Variants in CLCN3 observed in about 807,000 individuals in gnomAD.
CLCN3 encodes the protein Cl-/H+ antiporter 3.
A neutral mutation model predicts 83.4 loss-of-function variants in CLCN3; 16 were observed. The observed-to-expected ratio is 0.19, with a 90% confidence interval of 0.13 to 0.29. CLCN3 has a LOEUF of 0.29. Ranked by LOEUF, CLCN3 falls within the 10% of genes least tolerant of loss-of-function variation. The probability of loss-of-function intolerance (pLI) is 1.00; values close to 1 mark genes in which losing one functional copy is unlikely to be tolerated. For missense variants in CLCN3, 544 were observed against 1,006.0 expected (o/e 0.54, Z 6.21); for synonymous variants, 322 against 346.2 (o/e 0.93, Z 0.78).
chr4:169,677,101 T>A (rs1483413349), intron 2 of CLCN3, among the ~76,000 whole-genome samples: 1 of 152,110 alleles, frequency 6.6e-6, no homozygotes, highest in East Asian at 1.9e-4. Flanking sequence ...ACCTTGGAAC[T>A]TCAGTATTTG....
At chr4:169,637,633 C>G (rs570091920) in intron 2 of CLCN3, among the ~76,000 whole-genome samples, 14 of 152,118 alleles carry the variant, frequency 9.2e-5, no homozygotes, top group Admixed American at 3.9e-4. Flanking sequence ...TTCCTTTATT[C>G]TTAGTGTTTT....
At chr4:169,641,768 A>G (rs1730419635) in intron 2 of CLCN3, among the ~76,000 whole-genome samples, 2 of 152,216 alleles carry the variant, frequency 1.3e-5, no homozygotes, top group South Asian at 4.1e-4. Flanking sequence ...ACACAAATAC[A>G]GGGTCCAGCC....
chr4:169,719,301 C>T (rs1269085699), intron 12 of CLCN3, among the ~76,000 whole-genome samples: 1 of 152,052 alleles, frequency 6.6e-6, no homozygotes, highest in African/African-American at 2.4e-5. Flanking sequence ...CCTGTCTCTA[C>T]TGAAAATAAT....
chr4:169,681,805 A>G (rs574587598), intron 3 of CLCN3, among the ~76,000 whole-genome samples: 6 of 152,342 alleles, frequency 3.9e-5, no homozygotes, highest in Non-Finnish European at 8.8e-5. Flanking sequence ...AATTAGTGAG[A>G]GAATGACATT....
At chr4:169,633,587 T>G (rs976780854) in intron 1 of CLCN3, among the ~76,000 whole-genome samples, 15 of 152,346 alleles carry the variant, frequency 9.8e-5, no homozygotes, top group African/African-American at 3.6e-4. Flanking sequence ...TATAGAAATT[T>G]GAATATTTTA....
chr4:169,622,649 C>T (rs1181622356), intron 1 of CLCN3, among the ~76,000 whole-genome samples: 4 of 152,198 alleles, frequency 2.6e-5, no homozygotes, highest in Non-Finnish European at 5.9e-5. Context: ...ACTAACCCCA[C>T]GAAGTAGGTA....
chr4:169,658,615 AGT>A (rs1730955748), intron 2 of CLCN3, among the ~76,000 whole-genome samples: 1 of 152,144 alleles, frequency 6.6e-6, no homozygotes, highest in Non-Finnish European at 1.5e-5. Context: ...AATTTAGTAC[AGT>A]TAGCCTTTGT....
At chr4:169,673,699 C>G (rs1731566564) in intron 2 of CLCN3, among the ~76,000 whole-genome samples, 1 of 152,070 alleles carries the variant, frequency 6.6e-6, no homozygotes, top group Non-Finnish European at 1.5e-5. Context: ...AAAGTAACTT[C>G]AGACTTACAG....
At chr4:169,680,391 C>G in intron 3 of CLCN3, 184 bp downstream of exon 3, 2 of 479,780 alleles carry the variant, frequency 4.2e-6, no homozygotes, top group Admixed American at 3.9e-5. Flanking sequence ...TACTTATACC[C>G]TGTAACTTTC....
chr4:169,667,663 TGAA>T (rs1731293799), intron 2 of CLCN3, among the ~76,000 whole-genome samples: 1 of 151,018 alleles, frequency 6.6e-6, no homozygotes, highest in Admixed American at 6.6e-5. Context: ...CCAGGCATAA[TGAA>T]TTAAGTTATC....
chr4:169,671,766 G>A (rs1731466595), intron 2 of CLCN3, among the ~76,000 whole-genome samples: 1 of 152,138 alleles, frequency 6.6e-6, no homozygotes, highest in Admixed American at 6.5e-5. Flanking sequence ...AAGGTGTGTG[G>A]AGGGGTCAAG....
chr4:169,647,104 G>T (rs146439697), intron 2 of CLCN3, among the ~76,000 whole-genome samples: 36 of 152,260 alleles, frequency 2.4e-4, no homozygotes, highest in African/African-American at 8.7e-4. Flanking sequence ...TTATATGGTT[G>T]GCTGGGCGTG....
At chr4:169,642,680 G>C (rs1437533048) in intron 2 of CLCN3, 2 of 152,124 alleles carry the variant, frequency 1.3e-5, no homozygotes, top group Non-Finnish European at 2.9e-5. Flanking sequence ...CACCACACCT[G>C]GCTAATTGTT....
rs1050942020 is a variant in CLCN3, at chr4:169,722,638, C to T, written c.*2641C>T. On this transcript the variant is annotated 3_prime_UTR_variant, in exon 13 of 13. Transcript: ENST00000513761. Reference sequence around the variant, plus strand: ...ATATTTCCCTTTTTTATTTCTGCTCCTCCTTTAATTGCCCATCTTGCTTCA... The same window carrying T: ...ATATTTCCCTTTTTTATTTCTGCTCTTCCTTTAATTGCCCATCTTGCTTCA... The T allele has an allele frequency of 2.6e-5, 4 of 152,186 alleles. No homozygotes were observed. Among genetic ancestry groups the T allele is most frequent in the Non-Finnish European group, 5.9e-5 (4 of 68,036 alleles). The allele number at this position is 152,186 out of a possible 1,614,324, so 9.4% of individuals were successfully genotyped here.
At chr4:169,622,110 C>T (rs1026388042) in intron 1 of CLCN3, among the ~76,000 whole-genome samples, 1 of 152,202 alleles carries the variant, frequency 6.6e-6, no homozygotes, top group Non-Finnish European at 1.5e-5. Context: ...TTACTCCCCT[C>T]AGCACCTCGA....
At chr4:169,623,586 G>A (rs1247045594) in intron 1 of CLCN3, among the ~76,000 whole-genome samples, 2 of 152,070 alleles carry the variant, frequency 1.3e-5, no homozygotes, top group African/African-American at 4.8e-5. Context: ...TATAGTCACC[G>A]TGGCATGCAA....
At chr4:169,637,804 T>C (rs960999299) in intron 2 of CLCN3, among the ~76,000 whole-genome samples, 3 of 152,118 alleles carry the variant, frequency 2.0e-5, no homozygotes, top group Non-Finnish European at 2.9e-5. Context: ...TTCATTTTTT[T>C]CCCATATGAA....
intron 10 of CLCN3, 117 bp downstream of exon 10, chr4:169,704,301 A>G (rs2150264010): frequency 6.0e-6 from 5 of 839,806 alleles, no homozygotes; most frequent in Non-Finnish European, 9.4e-6. Flanking sequence ...GGAGGGTGCC[A>G]GGAGGAGATG....
At chr4:169,692,410 A>G in intron 7 of CLCN3, 90 bp downstream of exon 7, 1 of 558,728 alleles carries the variant, frequency 1.8e-6, no homozygotes, top group Non-Finnish European at 2.7e-6. Context: ...AAAATAATAA[A>G]TTCTGTATTC....
Sources: allele counts gnomAD v4.1 joint callset (sites outside exome capture counted in the v4.1 genomes callset), GRCh38; gene constraint gnomAD v4.1.1; transcripts MANE v1.5; gene names NCBI Gene and HGNC (gene_info 2026-07-23, HGNC 2026-07-21).